Variants in LATS2 observed in about 807,000 individuals in gnomAD.
LATS2 encodes the protein serine/threonine-protein kinase LATS2.
In LATS2, 24 loss-of-function variants were observed where a neutral mutation model predicts 76.0. The observed-to-expected ratio is 0.32, with a 90% CI of 0.23 to 0.44. The LOEUF is 0.44. Among genes scored for constraint, LATS2 ranks in the 20% least tolerant of loss-of-function variants. The probability of loss-of-function intolerance (pLI) is 1.00; values close to 1 mark genes in which losing one functional copy is unlikely to be tolerated. For missense variants in LATS2, 1,286 were observed against 1,481.2 expected, an observed-to-expected ratio of 0.87 and a Z score of 2.16; for synonymous variants, 692 against 635.4, an observed-to-expected ratio of 1.09 and a Z score of -1.34.
intron 2 of LATS2, among the ~76,000 whole-genome samples, chr13:21,033,229 G>A (rs1405055237): frequency 2.0e-5 from 3 of 152,046 alleles, no homozygotes; most frequent in Non-Finnish European, 4.4e-5. Flanking sequence ...TGTTAGACCA[G>A]ACCTGGTTGA....
At chr13:20,999,761 A>C (rs977588958) in intron 2 of LATS2, among the ~76,000 whole-genome samples, 4 of 151,878 alleles carry the variant, frequency 2.6e-5, no homozygotes, top group Non-Finnish European at 4.4e-5. Flanking sequence ...CCTGGCCTTA[A>C]ATTTGTTATA....
At position 20,981,557 on chromosome 13, in the gene LATS2, C is replaced by T. The variant is rs201216594; in HGVS notation, c.2574G>A (p.Glu858=). 23 of 1,614,180 alleles carry T rather than the reference C, an allele frequency of 1.4e-5. No homozygotes were observed. The East Asian group carries it at 4.9e-4, about 34-fold the overall frequency. The change falls in exon 6 of 8, where the codon GAG becomes GAA. Residue 858 remains glutamate (E), a synonymous_variant. Coordinates refer to ENST00000382592, the MANE Select transcript of LATS2 (RefSeq NM_014572.3). The stretch of plus-strand genomic sequence containing the variant: ...TCTGGTGCTGCTTCCGCGCCCTCTG[C>T]TCTAGGGTCTTCAGCCTGTCCCCAC... ...CRCGDRLKTL[E]QRARKQHQRC... is the part of the protein sequence containing the mutation.
At chr13:20,975,542 C>T (rs1275793270) in intron 7 of LATS2, among the ~76,000 whole-genome samples, 178 bp from the exon 8 acceptor site, 1 of 152,152 alleles carries the variant, frequency 6.6e-6, no homozygotes, top group South Asian at 2.1e-4. Flanking sequence ...TCATTTCAGT[C>T]GATGGCTCAC....
intron 1 of LATS2, among the ~76,000 whole-genome samples, chr13:21,056,131 T>C (rs9550699): frequency 0.064 from 9,763 of 152,250 alleles, 928 homozygotes; most frequent in East Asian, 0.42. Flanking sequence ...CTAGGTAGAA[T>C]TGGGTCTTTT....
chr13:20,991,510 T>C lies in LATS2; in HGVS notation c.343-106A>G. 7.6e-7 allele frequency: 1 copy of C among 1,313,900 alleles called. No homozygotes were observed. The highest frequency in any genetic ancestry group is 1.1e-6 in the Non-Finnish European group (1 of 939,082). The allele number at this position is 1,313,900 out of a possible 1,614,324, so 81.4% of individuals were successfully genotyped here. A position where few individuals can be genotyped will look rare whatever the true frequency, so the allele number is the denominator to read the frequency against. On this transcript the variant is annotated intron_variant, in intron 2 of 7. Coordinates refer to ENST00000382592, the MANE Select transcript of LATS2 (RefSeq NM_014572.3). The surrounding 1 kb of genome is among the most constrained non-coding windows in gnomAD (Gnocchi z 4.9). ...GGACTGTGCTGGGACACTTCGCCTC[T>C]GTACTGCTGAGAACCTGCGATATGC...
In LATS2 at chr13:20,985,333, G is replaced by C. The variant is rs1870093932; in HGVS notation, c.1900-1527C>G. ...ACAACAGAGTAAAGAGGATACCTGT[G>C]TTGAACAGGAGAAAATATTCACAAA... On this transcript the variant is annotated intron_variant, in intron 4 of 7. Transcript: ENST00000382592. Among the ~76,000 whole-genome samples the C allele has an allele frequency of 3.3e-5, 5 of 152,210 alleles. No homozygotes were observed. The South Asian group carries it at 1.0e-3, about 32-fold the overall frequency.
In LATS2 at chr13:20,973,421, A is replaced by T. The variant is rs569570393; in HGVS notation, c.*1449T>A. 4.3e-6 allele frequency: 1 copy of T among 232,244 alleles called. No homozygotes were observed. The highest frequency in any genetic ancestry group is 2.2e-5 in the African/African-American group (1 of 45,410). The allele number at this position is 232,244 out of a possible 1,614,324, so 14.4% of individuals were successfully genotyped here. On this transcript the variant is annotated 3_prime_UTR_variant, in exon 8 of 8. Coordinates refer to ENST00000382592, the MANE Select transcript of LATS2 (RefSeq NM_014572.3). ...AAAATTATGAAGCATCAGATTTTTT[A>T]AAAAGCAAAAAAGAATTGAACTTTT... is the stretch of plus-strand genomic sequence containing the variant.
In LATS2 at chr13:20,981,448, T is replaced by C. The variant is rs1869876636; in HGVS notation, c.2665+18A>G. ...GGAAGGAGACCTCCTGCGGGGTGGC[T>C]GGCCATGGCGCATGTACCTTTGCGG... On this transcript the variant is annotated intron_variant, in intron 6 of 7. Coordinates refer to ENST00000382592, the MANE Select transcript of LATS2 (RefSeq NM_014572.3). 8.1e-6 allele frequency: 13 copies of C among 1,603,360 alleles called. No individual in the cohort carries two copies. In the East Asian group the frequency reaches 8.9e-5, roughly 11 times the overall value.
chr13:20,996,531 C>T (rs1595222295), intron 2 of LATS2, among the ~76,000 whole-genome samples: 1 of 152,216 alleles, frequency 6.6e-6, no homozygotes, highest in African/African-American at 2.4e-5. Context: ...GCATGAACCA[C>T]CACCATACCT....
chr13:20,989,027 C>A lies in LATS2; in HGVS notation c.753G>T (p.Ala251=). The A allele has an allele frequency of 1.9e-6, 3 of 1,558,508 alleles. No individual in the cohort carries two copies. Among genetic ancestry groups the A allele is most frequent in the Non-Finnish European group, 2.6e-6 (3 of 1,158,472 alleles). The change falls in exon 4 of 8, where the codon GCG becomes GCT. Residue 251 remains alanine, a synonymous_variant. Coordinates refer to ENST00000382592, the MANE Select transcript of LATS2 (RefSeq NM_014572.3). ...CCAGCAGGTGCGGCCGCCCGTAGTG[C>A]GCGCCCTGCAGCGGGAAGTGTGCCC... ...AAGAHFPLQG[A]HYGRPHLLVP...
At chr13:21,027,456 AAAAC>A (rs1360815760) in intron 2 of LATS2, among the ~76,000 whole-genome samples, 2 of 152,232 alleles carry the variant, frequency 1.3e-5, no homozygotes, top group Non-Finnish European at 2.9e-5. Flanking sequence ...ATTTGCTGAA[AAAAC>A]AAACAAAAAC....
intron 2 of LATS2, among the ~76,000 whole-genome samples, chr13:21,030,761 CAAG>C (rs1241826219): frequency 6.6e-6 from 1 of 151,904 alleles, no homozygotes; most frequent in African/African-American, 2.4e-5. Context: ...AAAGAGATTA[CAAG>C]AAAGAAAATA....
intron 2 of LATS2, among the ~76,000 whole-genome samples, chr13:21,024,535 C>G (rs1429555020): frequency 2.6e-5 from 4 of 152,004 alleles, no homozygotes; most frequent in African/African-American, 9.7e-5. Flanking sequence ...CAGGGCATAT[C>G]TAAAAGTTGA....
chr13:21,019,590 G>A (rs1382255316), intron 2 of LATS2, among the ~76,000 whole-genome samples: 2 of 135,142 alleles, frequency 1.5e-5, no homozygotes, highest in African/African-American at 2.8e-5. Flanking sequence ...TGATCTGCCT[G>A]CCTCAGCCTC....
intron 2 of LATS2, among the ~76,000 whole-genome samples, chr13:21,007,200 T>G (rs1256681678): frequency 3.9e-5 from 6 of 152,074 alleles, no homozygotes; most frequent in African/African-American, 7.2e-5. Flanking sequence ...ATTTTTAAGT[T>G]ATATTTCCAA....
At chr13:21,021,339 G>A (rs1313992394) in intron 2 of LATS2, among the ~76,000 whole-genome samples, 1 of 151,618 alleles carries the variant, frequency 6.6e-6, no homozygotes, top group Non-Finnish European at 1.5e-5. Flanking sequence ...CGGGTGTGGT[G>A]GTGCGTGCCT....
intron 2 of LATS2, among the ~76,000 whole-genome samples, chr13:21,016,277 G>A (rs911217722): frequency 2.0e-5 from 3 of 147,198 alleles, no homozygotes; most frequent in East Asian, 2.0e-4. Flanking sequence ...ATGAGACAGC[G>A]TACCCGGCCT....
chr13:21,028,864 G>A (rs999725470), intron 2 of LATS2, among the ~76,000 whole-genome samples: 7 of 152,024 alleles, frequency 4.6e-5, no homozygotes, highest in South Asian at 2.1e-4. Context: ...CACCGTACCC[G>A]GCCAAATTTC....
At position 20,981,640 on chromosome 13, in the gene LATS2, C is replaced by T; in HGVS notation, c.2491G>A (p.Val831Ile). 3 of 1,598,304 alleles carry T rather than the reference C, an allele frequency of 1.9e-6. No individual in the cohort carries two copies. The highest frequency in any genetic ancestry group is 3.6e-5 in the Admixed American group (2 of 55,308). The change falls in exon 6 of 8, where the codon GTC (valine) becomes ATC (isoleucine). Residue 831 changes from valine (V) to isoleucine (I), a missense_variant. Val to Ile is a conservative substitution (Grantham distance 29, BLOSUM62 3). Transcript: ENST00000382592. Reference protein sequence around the residue: ...NSKYYQKGSHVRQDSMEPSDL... With the variant: ...NSKYYQKGSHIRQDSMEPSDL... The stretch of plus-strand genomic sequence containing the variant: ...CTGGGCTCCATGCTGTCCTGTCTGA[C>T]ATGGCTCCCTTCACCCAGGAATCAG...
Sources: gnomAD v4.1 joint callset for allele counts (sites outside exome capture counted in the v4.1 genomes callset) on GRCh38, gnomAD v4.1.1 for gene constraint, Gnocchi (gnomAD v3.1) non-coding constraint, MANE v1.5 for transcripts, NCBI Gene and HGNC (gene_info 2026-07-23, HGNC 2026-07-21) for gene names.